EPHA6: variants seen among roughly 807,000 people sequenced by gnomAD.
EPHA6 encodes the protein ephrin type-A receptor 6.
In EPHA6, 50 loss-of-function variants were observed where a neutral mutation model predicts 112.0. The ratio of observed to expected loss-of-function variants is 0.45; its 90% CI spans 0.36 to 0.56. EPHA6 has a LOEUF of 0.56. Ranked by LOEUF, EPHA6 falls within the 20% of genes least tolerant of loss-of-function variation. EPHA6 has a pLI of 0.00. For missense variants in EPHA6, 1,280 were observed against 1,417.4 expected (o/e 0.90, Z 1.56); for synonymous variants, 529 against 490.7 (o/e 1.08, Z -1.03).
At chr3:97,046,339 TG>T (rs2045506103) in intron 3 of EPHA6, among the ~76,000 whole-genome samples, 1 of 152,158 alleles carries the variant, frequency 6.6e-6, no homozygotes, top group Non-Finnish European at 1.5e-5. Flanking sequence ...TTTCAATAGA[TG>T]CAGAAAATTC....
intron 11 of EPHA6, among the ~76,000 whole-genome samples, chr3:97,553,697 G>A (rs1226917979): frequency 6.6e-6 from 1 of 152,102 alleles, no homozygotes; most frequent in Non-Finnish European, 1.5e-5. Context: ...AATTTAAGAT[G>A]AGATTTGGGT....
At chr3:97,592,550 A>T in intron 11 of EPHA6, 62 bp from the exon 12 acceptor site, 1 of 1,587,298 alleles carries the variant, frequency 6.3e-7, no homozygotes, top group South Asian at 1.1e-5. Flanking sequence ...TATTCCATGT[A>T]AATGATCAAT....
intron 3 of EPHA6, among the ~76,000 whole-genome samples, chr3:97,000,307 A>ATATATAGCCATG (rs2043604656): frequency 6.7e-6 from 1 of 149,484 alleles, no homozygotes; most frequent in Non-Finnish European, 1.5e-5. Flanking sequence ...ATATAGCCAT[A>ATATATAGCCATG]TATAGCCACT....
intron 10 of EPHA6, among the ~76,000 whole-genome samples, chr3:97,520,975 G>A (rs1419104458): frequency 6.6e-6 from 1 of 151,876 alleles, no homozygotes; most frequent in African/African-American, 2.4e-5. Context: ...TCTTGATCTA[G>A]TCTATTCTTG....
intron 2 of EPHA6, among the ~76,000 whole-genome samples, chr3:96,983,380 C>T (rs909968623): frequency 6.6e-6 from 1 of 152,098 alleles, no homozygotes; most frequent in African/African-American, 2.4e-5. Flanking sequence ...GAATATTGGC[C>T]CCCACTCTCT....
chr3:96,896,155 C>A (rs1252350371), intron 2 of EPHA6, among the ~76,000 whole-genome samples: 2 of 152,072 alleles, frequency 1.3e-5, no homozygotes, highest in African/African-American at 4.8e-5. Flanking sequence ...TCCTTTTTGC[C>A]TTTTTTACTC....
At chr3:97,732,035 G>T (rs980977480) in intron 15 of EPHA6, among the ~76,000 whole-genome samples, 2 of 151,846 alleles carry the variant, frequency 1.3e-5, no homozygotes, top group South Asian at 2.1e-4. Context: ...TGCACTCTCC[G>T]CACTGCAGCC....
chr3:96,994,761 A>AGAGAGAGAGAGAGAGC (rs2043353407), intron 3 of EPHA6, among the ~76,000 whole-genome samples: 3 of 137,112 alleles, frequency 2.2e-5, no homozygotes, highest in African/African-American at 8.4e-5. Context: ...AGAGAGAGAG[A>AGAGAGAGAGAGAGAGC]GCTATATATA....
chr3:97,254,376 G>A (rs547199800), intron 5 of EPHA6, among the ~76,000 whole-genome samples: 26 of 152,232 alleles, frequency 1.7e-4, no homozygotes, highest in African/African-American at 5.8e-4. Flanking sequence ...TTTTAATAGA[G>A]ACGGGGTTTC....
chr3:97,089,030 A>G (rs528701484), intron 3 of EPHA6, among the ~76,000 whole-genome samples: 3 of 152,256 alleles, frequency 2.0e-5, no homozygotes, highest in East Asian at 3.9e-4. Flanking sequence ...AGTTCTTACC[A>G]TCTCCTATGC....
At chr3:97,704,155 G>A (rs1389693282) in intron 14 of EPHA6, among the ~76,000 whole-genome samples, 2 of 152,188 alleles carry the variant, frequency 1.3e-5, no homozygotes, top group African/African-American at 4.8e-5. Context: ...CTTAGAGGAT[G>A]TGATGATTAA....
chr3:97,746,817 G>T (rs2035733174), intron 16 of EPHA6, among the ~76,000 whole-genome samples: 1 of 151,828 alleles, frequency 6.6e-6, no homozygotes, highest in Non-Finnish European at 1.5e-5. Context: ...GCTTGTATGT[G>T]TGTAAATCTT....
chr3:96,973,621 C>T (rs888266341), intron 2 of EPHA6, among the ~76,000 whole-genome samples: 16 of 151,092 alleles, frequency 1.1e-4, no homozygotes, highest in Admixed American at 2.0e-4. Context: ...TTCAGGAGTT[C>T]GAGACCAGTT....
chr3:96,981,468 A>T (rs2042773715), intron 2 of EPHA6, among the ~76,000 whole-genome samples: 1 of 151,188 alleles, frequency 6.6e-6, no homozygotes, highest in Non-Finnish European at 1.5e-5. Context: ...TTTATTGAGG[A>T]TTTTTGCATC....
At chr3:96,927,374 T>C (rs2040092633) in intron 2 of EPHA6, among the ~76,000 whole-genome samples, 1 of 152,258 alleles carries the variant, frequency 6.6e-6, no homozygotes, top group Non-Finnish European at 1.5e-5. Context: ...TTGTCTCAGA[T>C]ATTAACATTC....
At chr3:97,417,758 C>T (rs527476593) in intron 6 of EPHA6, among the ~76,000 whole-genome samples, 6 of 152,236 alleles carry the variant, frequency 3.9e-5, no homozygotes, top group Non-Finnish European at 7.4e-5. Context: ...AGAATTGATT[C>T]TGCGACTTTG....
chr3:97,408,128 A>G (rs2087478456), intron 6 of EPHA6, among the ~76,000 whole-genome samples: 1 of 152,026 alleles, frequency 6.6e-6, no homozygotes, highest in Non-Finnish European at 1.5e-5. Context: ...AAGCAAAGAG[A>G]GGGGAAGGAG....
At chr3:97,049,776 A>G (rs2108080785) in intron 3 of EPHA6, among the ~76,000 whole-genome samples, 1 of 152,124 alleles carries the variant, frequency 6.6e-6, no homozygotes, top group East Asian at 1.9e-4. Flanking sequence ...GGGAGATGCT[A>G]GGTTCTTTTT....
intron 5 of EPHA6, among the ~76,000 whole-genome samples, chr3:97,397,403 T>C (rs2086754604): frequency 6.6e-6 from 1 of 151,688 alleles, no homozygotes; most frequent in Non-Finnish European, 1.5e-5. Context: ...CCTGGATTAT[T>C]AAGAAAGAAA....
Sources: gnomAD v4.1 joint callset for allele counts (sites outside exome capture counted in the v4.1 genomes callset) on GRCh38, gnomAD v4.1.1 for gene constraint, MANE v1.5 for transcripts, NCBI Gene and HGNC (gene_info 2026-07-23, HGNC 2026-07-21) for gene names.